LRRC37A3: variants seen among roughly 807,000 people sequenced by gnomAD.
LRRC37A3 encodes leucine rich repeat containing 37 member A3, also known as leucine-rich repeat-containing protein 37A3.
In LRRC37A3, 25 loss-of-function variants were observed where a neutral mutation model predicts 106.2. That is an observed-to-expected ratio of 0.24 (90% CI 0.17 to 0.33). The LOEUF (loss-of-function observed/expected upper bound fraction) is 0.33, where lower values mean the gene tolerates loss of function less well. Among genes scored for constraint, LRRC37A3 ranks in the 10% least tolerant of loss-of-function variants. LRRC37A3 has a pLI of 1.00. For missense variants in LRRC37A3, 712 were observed against 1,644.9 expected, an observed-to-expected ratio of 0.43 and a Z score of 9.81; for synonymous variants, 305 against 635.8, an observed-to-expected ratio of 0.48 and a Z score of 7.83.
chr17:64,916,936 G>A (rs1974715955), intron 2 of LRRC37A3, among the ~76,000 whole-genome samples: 1 of 150,058 alleles, frequency 6.7e-6, no homozygotes, highest in Non-Finnish European at 1.5e-5. Flanking sequence ...TACTTATTAA[G>A]GTGGCCAAAA....
At chr17:64,866,070 C>T (rs1430643225) in intron 10 of LRRC37A3, among the ~76,000 whole-genome samples, 2 of 151,898 alleles carry the variant, frequency 1.3e-5, no homozygotes, top group African/African-American at 4.8e-5. Flanking sequence ...CTGAAGACTT[C>T]CAATAATGAA....
chr17:64,871,581 G>A (rs1033151469), intron 8 of LRRC37A3: 1 of 151,798 alleles, frequency 6.6e-6, no homozygotes, highest in African/African-American at 2.4e-5. Context: ...TGGGAGTTTT[G>A]ACCTGCTCTA....
At chr17:64,868,775 A>T (rs1225608483) in intron 9 of LRRC37A3, among the ~76,000 whole-genome samples, 1 of 151,854 alleles carries the variant, frequency 6.6e-6, no homozygotes, top group Non-Finnish European at 1.5e-5. Context: ...TATTGCACTC[A>T]CCATCTTATT....
intron 8 of LRRC37A3, among the ~76,000 whole-genome samples, chr17:64,882,951 A>C (rs1401496525): frequency 6.6e-6 from 1 of 150,430 alleles, no homozygotes; most frequent in African/African-American, 2.5e-5. Context: ...AATTTTAAAA[A>C]ATAAGCCATC....
chr17:64,858,884 C>CA lies in LRRC37A3; in HGVS notation c.4705-2_4705-1insT. Reference sequence around the variant, plus strand: ...CATATCCTGGAAGTTCTTTTGTGAACTAAAAAAAAAAAAACCAGAATGAGA... The same window carrying CA: ...CATATCCTGGAAGTTCTTTTGTGAACATAAAAAAAAAAAAACCAGAATGAGA... On this transcript the variant is annotated splice_acceptor_variant, in intron 12 of 14. Coordinates refer to ENST00000584306, the MANE Select transcript of LRRC37A3 (RefSeq NM_199340.5). LOFTEE classifies it high-confidence loss of function. 1.3e-6 allele frequency: 2 copies of CA among 1,542,102 alleles called. No individual in the cohort carries two copies. Among genetic ancestry groups the CA allele is most frequent in the Admixed American group, 1.9e-5 (1 of 52,660 alleles).
intron 8 of LRRC37A3, among the ~76,000 whole-genome samples, chr17:64,876,018 G>A (rs1286093790): frequency 4.6e-5 from 7 of 152,062 alleles, no homozygotes; most frequent in Non-Finnish European, 8.8e-5. Context: ...CGACAGATGC[G>A]CACCACCACA....
Position 64,854,640 on chromosome 17 carries a change from T to G in LRRC37A3, c.4864A>C (p.Ser1622Arg). 1 of 1,613,692 alleles carries G rather than the reference T, an allele frequency of 6.2e-7. No homozygotes were observed. The highest frequency in any genetic ancestry group is 1.1e-5 in the South Asian group (1 of 91,062). Residue 1622 changes from serine (S) to arginine (R), a missense_variant, in exon 15 of 15, where the codon AGC becomes CGC. Transcript: ENST00000584306. ...QEDEEGFSRD[S>R]EAPTEEESEA... Reference sequence around the variant, plus strand: ...CTCTCCTCCTCCGTTGGGGCTTCGCTGTCCCTGGGATAAGAATAACAATGC... The same window carrying G: ...CTCTCCTCCTCCGTTGGGGCTTCGCGGTCCCTGGGATAAGAATAACAATGC...
intron 4 of LRRC37A3, among the ~76,000 whole-genome samples, chr17:64,893,648 A>ATT (rs3972251): frequency 0.016 from 1,374 of 86,648 alleles, 11 homozygotes; most frequent in African/African-American, 0.048. Flanking sequence ...CCCTCCTATC[A>ATT]TTTTTTTTTT....
chr17:64,890,849 A>C (rs1162156066), intron 5 of LRRC37A3, among the ~76,000 whole-genome samples: 3 of 88,400 alleles, frequency 3.4e-5, no homozygotes, highest in African/African-American at 2.0e-4. Context: ...TAAATAAAGC[A>C]ATTCTCCTGC....
chr17:64,913,329 T>TG (rs1974631261), intron 2 of LRRC37A3, among the ~76,000 whole-genome samples: 3 of 132,238 alleles, frequency 2.3e-5, no homozygotes, highest in African/African-American at 5.9e-5. Flanking sequence ...GCACCTGGCC[T>TG]ATTTTGGGTT....
intron 10 of LRRC37A3, among the ~76,000 whole-genome samples, chr17:64,866,801 TTATA>T (rs61583094): frequency 1.0e-4 from 13 of 124,686 alleles, no homozygotes; most frequent in Non-Finnish European, 1.8e-4. Flanking sequence ...TGGCTGATTT[TTATA>T]TATATATATA....
In LRRC37A3 at chr17:64,854,733, G is replaced by A; in HGVS notation, c.4860-89C>T. The A allele has an allele frequency of 4.3e-6, 7 of 1,612,052 alleles. 1 individual carries two copies. The South Asian group carries it at 6.6e-5, about 15-fold the overall frequency. ...CCTCCTCATTTTAGATGGGAACTGT[G>A]AGGGCCCCGTCATTTACCCAGGGTC... On this transcript the variant is annotated intron_variant, in intron 14 of 14. Coordinates refer to ENST00000584306, the MANE Select transcript of LRRC37A3 (RefSeq NM_199340.5).
chr17:64,877,068 ATTG>A (rs777483784), intron 8 of LRRC37A3: 1 of 152,154 alleles, frequency 6.6e-6, no homozygotes, highest in Non-Finnish European at 1.5e-5. Context: ...TTTCACTACA[ATTG>A]TTGTTTTTTT....
Position 64,860,514 on chromosome 17 carries a change from G to A in LRRC37A3, c.3632C>T (p.Pro1211Leu), listed in dbSNP as rs1972832355. The A allele has an allele frequency of 6.2e-7, 1 of 1,612,956 alleles. No homozygotes were observed. Among genetic ancestry groups the A allele is most frequent in the Middle Eastern group, 1.9e-4 (1 of 5,268 alleles). ...AEEKRLGSPA[P>L]RELKQPHTQQ... ...TGTGTGAGGCTGTTTCAGCTCCCTT[G>A]GGGCTGGACTTCCGAGCCTTTTTTC... Residue 1211 changes from proline to leucine, a missense_variant, in exon 12 of 15, where the codon CCA becomes CTA. Pro to Leu is a moderately conservative substitution (Grantham distance 98). Coordinates refer to ENST00000584306, the MANE Select transcript of LRRC37A3 (RefSeq NM_199340.5).
chr17:64,897,202 C>G lies in LRRC37A3; in HGVS notation c.56G>C (p.Trp19Ser), dbSNP rs546959511. The stretch of plus-strand genomic sequence containing the variant: ...CCACATAAGGAGGGGCCATGGGCCC[C>G]AGAAACGCAGCGGGGACATGACACA... ...LACVMSPLRF[W>S]GPWPLLMWQL... The change falls in exon 4 of 15, where the codon TGG (tryptophan) becomes TCG (serine). Residue 19 changes from tryptophan to serine, a missense_variant. Coordinates refer to ENST00000584306, the MANE Select transcript of LRRC37A3 (RefSeq NM_199340.5). 3 of 1,609,240 alleles carry G rather than the reference C, an allele frequency of 1.9e-6. No individual in the cohort carries two copies. The East Asian group carries it at 6.7e-5, about 36-fold the overall frequency.
At chr17:64,863,969 T>TA (rs1360791212) in intron 10 of LRRC37A3, among the ~76,000 whole-genome samples, 18 of 147,490 alleles carry the variant, frequency 1.2e-4, no homozygotes, top group African/African-American at 4.3e-4. Context: ...CATGCCCAGC[T>TA]AATTTTTTTT....
At chr17:64,913,043 C>T (rs1410896559) in intron 2 of LRRC37A3, among the ~76,000 whole-genome samples, 2 of 115,036 alleles carry the variant, frequency 1.7e-5, no homozygotes, top group Non-Finnish European at 4.5e-5. Context: ...TTTTTTTTTC[C>T]CCCGAGATGG....
In LRRC37A3 at chr17:64,860,927, C is replaced by T. The variant is rs555034800; in HGVS notation, c.3219G>A (p.Val1073=). ...VGNPEGAFMK[V]LQARKNYTST... ...TTGTGTAATTCTTCCGGGCTTGTAA[C>T]ACCTTCATGAACGCTCCTTCTGGAT... The change falls in exon 12 of 15, where the codon GTG becomes GTA. Residue 1073 remains valine, a synonymous_variant. Transcript: ENST00000584306. The T allele has an allele frequency of 1.7e-5, 27 of 1,614,062 alleles. No homozygotes were observed. The highest frequency in any genetic ancestry group is 1.3e-4 in the African/African-American group (10 of 75,040).
rs1021673093 is a variant in LRRC37A3 at position 64,854,726 on chromosome 17, G to A, written c.4860-82C>T. ...CTCACCCCCTCCTCATTTTAGATGG[G>A]AACTGTGAGGGCCCCGTCATTTACC... On this transcript the variant is annotated intron_variant, in intron 14 of 14. Coordinates refer to ENST00000584306, the MANE Select transcript of LRRC37A3 (RefSeq NM_199340.5). 3.7e-6 allele frequency: 6 copies of A among 1,611,940 alleles called. No individual in the cohort carries two copies. The Middle Eastern group carries it at 6.6e-4, about 176-fold the overall frequency.
Sources: allele counts gnomAD v4.1 joint callset (sites outside exome capture counted in the v4.1 genomes callset), GRCh38; gene constraint gnomAD v4.1.1; transcripts MANE v1.5; gene names NCBI Gene and HGNC (gene_info 2026-07-23, HGNC 2026-07-21).